The following ZMYND11 variants were observed in gnomAD, a reference collection of about 807,000 sequenced individuals.
ZMYND11 encodes zinc finger MYND-type containing 11.
A neutral mutation model predicts 84.9 loss-of-function variants in ZMYND11; 9 were observed. The ratio of observed to expected loss-of-function variants is 0.11; its 90% CI spans 0.06 to 0.18. ZMYND11 has a LOEUF of 0.18. Ranked by LOEUF, ZMYND11 falls within the 10% of genes least tolerant of loss-of-function variation. ZMYND11 has a pLI of 1.00. For missense variants in ZMYND11, 409 were observed against 761.0 expected, an observed-to-expected ratio of 0.54 and a Z score of 5.44; for synonymous variants, 250 against 244.1, an observed-to-expected ratio of 1.02 and a Z score of -0.23.
At chr10:131,027 G>A (rs1046483379), upstream of ZMYND11, among the ~76,000 whole-genome samples, 3 of 152,138 alleles carry the variant, frequency 2.0e-5, no homozygotes, top group Non-Finnish European at 2.9e-5. Flanking sequence ...TGAGGTGGGA[G>A]GATCGCTTGA....
At chr10:159,821 T>C (rs782492806) in intron 1 of ZMYND11, among the ~76,000 whole-genome samples, 1 of 152,206 alleles carries the variant, frequency 6.6e-6, no homozygotes, top group Non-Finnish European at 1.5e-5. Flanking sequence ...AATCTACTCA[T>C]ATTTTCATCT....
chr10:232,140 A>G (rs1316305728), intron 4 of ZMYND11, among the ~76,000 whole-genome samples: 10 of 152,242 alleles, frequency 6.6e-5, no homozygotes, highest in Non-Finnish European at 5.9e-5. Context: ...GTCAAGAGCT[A>G]TCTGCTTAGT....
At chr10:186,424 C>T (rs1012448303) in intron 2 of ZMYND11, among the ~76,000 whole-genome samples, 5 of 151,800 alleles carry the variant, frequency 3.3e-5, no homozygotes, top group South Asian at 2.1e-4. Flanking sequence ...AGGCAGATCA[C>T]GAGGTCAGGA....
chr10:249,827 TAC>T lies in ZMYND11; in HGVS notation c.1686+743_1686+744del, dbSNP rs889631542. 20 of 912,022 alleles carry T rather than the reference TAC, an allele frequency of 2.2e-5. No homozygotes were observed. In the African/African-American group the frequency reaches 3.4e-4, roughly 16 times the overall value. The allele number at this position is 912,022 out of a possible 1,614,324, so 56.5% of individuals were successfully genotyped here. A position where few individuals can be genotyped will look rare whatever the true frequency, so the allele number is the denominator to read the frequency against. ...TTTTATCAAGCCTATATTATATAAA[TAC>T]ACATAAGCTTTTCATGAAAGAAATA... On this transcript the variant is annotated intron_variant, in intron 14 of 14. Coordinates refer to ENST00000381604, the MANE Select transcript of ZMYND11 (RefSeq NM_001370100.5).
chr10:152,886 C>T lies in ZMYND11; in HGVS notation c.-20+17327C>T, dbSNP rs191529743. ...TCTCTCAGACCACAGTGCAATCAAACTAGAACTCAGGATTAAGAACTCACT... is the reference window on the plus strand; with the variant it reads ...TCTCTCAGACCACAGTGCAATCAAATTAGAACTCAGGATTAAGAACTCACT... On this transcript the variant is annotated intron_variant, in intron 1 of 14. Transcript: ENST00000381604. 2.0e-3 allele frequency among the ~76,000 whole-genome samples: 310 copies of T among 152,320 alleles called. 1 individual carries two copies. Among genetic ancestry groups the T allele is most frequent in the African/African-American group, 7.2e-3 (298 of 41,564 alleles).
Position 185,211 on chromosome 10 carries a change from A to G in ZMYND11, c.116+5083A>G, listed in dbSNP as rs866787544. Among the ~76,000 whole-genome samples the G allele has an allele frequency of 2.0e-4, 31 of 151,982 alleles. No homozygotes were observed. In the Middle Eastern group the frequency reaches 0.014, roughly 67 times the overall value. ...TCTTTGTTGGGCATTTTACCCTCCT[A>G]TACTCTCTGTTCCATTAGTATCTGT... On this transcript the variant is annotated intron_variant, in intron 2 of 14. Transcript: ENST00000381604.
chr10:180,742 T>A (rs779392211), intron 2 of ZMYND11, among the ~76,000 whole-genome samples: 5 of 152,222 alleles, frequency 3.3e-5, no homozygotes, highest in African/African-American at 7.2e-5. Flanking sequence ...ATCACTTTTA[T>A]GTAGCGAAGC....
chr10:167,402 T>C (rs1738634309), intron 1 of ZMYND11, among the ~76,000 whole-genome samples: 1 of 152,118 alleles, frequency 6.6e-6, no homozygotes, highest in Admixed American at 6.6e-5. Context: ...CACCATTTTG[T>C]TTTATAAACT....
chr10:200,205 G>GGGGTGTGTGTGTGTGTGTGTGTGT (rs1554774397), intron 2 of ZMYND11, among the ~76,000 whole-genome samples: 14 of 132,422 alleles, frequency 1.1e-4, no homozygotes, highest in African/African-American at 3.9e-4. Context: ...GCCTGGCTAG[G>GGGGTGTGTGTGTGTGTGTGTGTGT]GTGTGTGTGT....
At chr10:187,495 G>A (rs548452390) in intron 2 of ZMYND11, among the ~76,000 whole-genome samples, 11 of 152,094 alleles carry the variant, frequency 7.2e-5, no homozygotes, top group Admixed American at 5.2e-4. Flanking sequence ...TTAGCCGGGC[G>A]CGGTGGCGGG....
intron 9 of ZMYND11, 119 bp downstream of exon 9, chr10:241,089 T>TTAATGAGTA: frequency 1.5e-6 from 1 of 688,624 alleles, no homozygotes; most frequent in South Asian, 2.1e-5. Context: ...ATATATGGGT[T>TTAATGAGTA]TAATGAGTAT....
chr10:144,861 A>G (rs1838368178), intron 1 of ZMYND11, among the ~76,000 whole-genome samples: 1 of 150,416 alleles, frequency 6.6e-6, no homozygotes, highest in South Asian at 2.1e-4. Flanking sequence ...AGTAGTGTAC[A>G]TTGTACCCAA....
At chr10:152,667 A>C (rs1257453155) in intron 1 of ZMYND11, among the ~76,000 whole-genome samples, 3 of 152,200 alleles carry the variant, frequency 2.0e-5, no homozygotes, top group African/African-American at 7.2e-5. Context: ...ACAGAAAGTC[A>C]ACAAGGATAT....
intron 1 of ZMYND11, among the ~76,000 whole-genome samples, chr10:150,147 C>T (rs1204178686): frequency 1.3e-5 from 2 of 152,092 alleles, no homozygotes; most frequent in Non-Finnish European, 2.9e-5. Context: ...AGGGAGGATT[C>T]CCTCTTTTTG....
chr10:158,984 G>GTTTTTTTTTT lies in ZMYND11; in HGVS notation c.-19-21004_-19-21003insTTTTTTTTTT, dbSNP rs376931420. On this transcript the variant is annotated intron_variant, in intron 1 of 14. Coordinates refer to ENST00000381604, the MANE Select transcript of ZMYND11 (RefSeq NM_001370100.5). Reference sequence around the variant, plus strand: ...AGATATATGATTTGCAGGGTTTTTTGTTTTTTGTTTTTTTTTTTTTTTTTA... The same window carrying GTTTTTTTTTT: ...AGATATATGATTTGCAGGGTTTTTTGTTTTTTTTTTTTTTTTGTTTTTTTTTTTTTTTTTA... Among the ~76,000 whole-genome samples, 61 of 40,022 alleles carry GTTTTTTTTTT rather than the reference G, an allele frequency of 1.5e-3. 13 individuals are homozygous for GTTTTTTTTTT. Among genetic ancestry groups the GTTTTTTTTTT allele is most frequent in the South Asian group, 2.6e-3 (2 of 762 alleles). 26.3% of individuals were successfully genotyped at this position (40,022 alleles called of 152,430 possible).
At chr10:233,349 T>C (rs1357558702) in intron 4 of ZMYND11, among the ~76,000 whole-genome samples, 1 of 152,154 alleles carries the variant, frequency 6.6e-6, no homozygotes, top group Non-Finnish European at 1.5e-5. Context: ...CCTGGGCCAG[T>C]AGATCCCCAC....
intron 2 of ZMYND11, 57 bp from the exon 3 acceptor site, chr10:209,832 T>C (rs965509772): frequency 8.7e-6 from 13 of 1,496,894 alleles, no homozygotes; most frequent in African/African-American, 2.8e-5. Flanking sequence ...TTATTTTCAT[T>C]CATTTTTAGT....
intron 4 of ZMYND11, among the ~76,000 whole-genome samples, chr10:227,625 G>A (rs1564417197): frequency 6.6e-6 from 1 of 152,164 alleles, no homozygotes; most frequent in South Asian, 2.1e-4. Flanking sequence ...ATGCTTTTGG[G>A]TATGTAGGCA....
chr10:184,627 C>T (rs1382925840), intron 2 of ZMYND11, among the ~76,000 whole-genome samples: 3 of 152,014 alleles, frequency 2.0e-5, no homozygotes, highest in Non-Finnish European at 2.9e-5. Flanking sequence ...GTGTTGAGAC[C>T]GTAGATTCTA....
Sources: gnomAD v4.1 joint callset for allele counts (sites outside exome capture counted in the v4.1 genomes callset) on GRCh38, gnomAD v4.1.1 for gene constraint, MANE v1.5 for transcripts, NCBI Gene and HGNC (gene_info 2026-07-23, HGNC 2026-07-21) for gene names.